The following PITPNM3 variants were observed in gnomAD, a reference collection of about 807,000 sequenced individuals.
PITPNM3 encodes the protein membrane-associated phosphatidylinositol transfer protein 3.
PITPNM3 carries 26 observed loss-of-function variants against 102.0 expected under a neutral mutation model. The ratio of observed to expected loss-of-function variants is 0.25; its 90% CI spans 0.19 to 0.35. PITPNM3 has a LOEUF of 0.35. Among genes scored for constraint, PITPNM3 ranks in the 10% least tolerant of loss-of-function variants. PITPNM3 has a pLI of 1.00. For missense variants in PITPNM3, 1,083 were observed against 1,346.1 expected, an observed-to-expected ratio of 0.80 and a Z score of 3.06; for synonymous variants, 578 against 558.6, an observed-to-expected ratio of 1.03 and a Z score of -0.49.
intron 1 of PITPNM3, among the ~76,000 whole-genome samples, chr17:6,549,857 C>A (rs1475652075): frequency 6.6e-6 from 1 of 152,190 alleles, no homozygotes; most frequent in East Asian, 1.9e-4. Flanking sequence ...CTCCTGGCTG[C>A]AGACCTGGTG....
At position 6,455,520 on chromosome 17, in the gene PITPNM3, C is replaced by A. The variant is rs779639442; in HGVS notation, c.2743G>T (p.Glu915Ter). 14 of 1,605,446 alleles carry A rather than the reference C, an allele frequency of 8.7e-6. No homozygotes were observed. The highest frequency in any genetic ancestry group is 1.2e-5 in the Non-Finnish European group (14 of 1,179,546). Reference sequence around the variant, plus strand: ...AGGTGGTTGCGCTTCCGCAGGAACTCTGGCTGCGCGTGCAGCCCGAAGCTG... The same window carrying A: ...AGGTGGTTGCGCTTCCGCAGGAACTATGGCTGCGCGTGCAGCCCGAAGCTG... ...KGSFGLHAQP[E>*]FLRKRNHLRR... is the part of the protein sequence containing the mutation. Residue 915 changes from glutamate (E) to a stop codon, truncating the protein, a stop_gained, in exon 20 of 20, where the codon GAG becomes TAG. Coordinates refer to ENST00000262483, the MANE Select transcript of PITPNM3 (RefSeq NM_031220.4). LOFTEE classifies it high-confidence loss of function.
At chr17:6,473,397 G>T (rs1435227233) in intron 10 of PITPNM3, among the ~76,000 whole-genome samples, 2 of 152,106 alleles carry the variant, frequency 1.3e-5, no homozygotes, top group Admixed American at 6.5e-5. Context: ...GGACTGGACC[G>T]TCCAGCATCC....
At position 6,500,866 on chromosome 17, in the gene PITPNM3, G is replaced by T. The variant is rs1907127308; in HGVS notation, c.274+2661C>A. Among the ~76,000 whole-genome samples, 3 of 152,200 alleles carry T rather than the reference G, an allele frequency of 2.0e-5. 1 individual carries two copies. In the South Asian group the frequency reaches 6.2e-4, roughly 32 times the overall value. On this transcript the variant is annotated intron_variant, in intron 4 of 19. Coordinates refer to ENST00000262483, the MANE Select transcript of PITPNM3 (RefSeq NM_031220.4). ...AATTTTTGTATTTTTAGTAGAGACA[G>T]GTTTTCACTATATTGGTCAGGCTGG...
chr17:6,483,458 C>T (rs2150737263), intron 6 of PITPNM3, 59 bp downstream of exon 6: 2 of 1,501,244 alleles, frequency 1.3e-6, no homozygotes, highest in African/African-American at 2.8e-5. Flanking sequence ...CAGGGGGAGC[C>T]CCTCCACTTA....
intron 19 of PITPNM3, among the ~76,000 whole-genome samples, chr17:6,456,717 T>G (rs1027364458): frequency 6.6e-6 from 1 of 152,170 alleles, no homozygotes; most frequent in Non-Finnish European, 1.5e-5. Flanking sequence ...CATTGCACAC[T>G]TGACATGCCC....
chr17:6,536,815 G>A (rs1909459443), intron 2 of PITPNM3, among the ~76,000 whole-genome samples: 1 of 152,264 alleles, frequency 6.6e-6, no homozygotes, highest in Admixed American at 6.5e-5. Flanking sequence ...TCCGTCTCAG[G>A]AGTAAGTCAA....
chr17:6,477,838 G>A lies in PITPNM3; in HGVS notation c.900+137C>T, dbSNP rs534625354. The A allele has an allele frequency of 3.7e-5, 55 of 1,469,762 alleles. No homozygotes were observed. The African/African-American group carries it at 3.9e-4, about 10-fold the overall frequency. 91.0% of individuals were successfully genotyped at this position (1,469,762 alleles called of 1,614,324 possible). On this transcript the variant is annotated intron_variant, in intron 8 of 19. Transcript: ENST00000262483. ...TGGGATTACAGGCATGAGCCACTGCGCCCAGCTGGATTATGATACACTTCT... is the reference window on the plus strand; with the variant it reads ...TGGGATTACAGGCATGAGCCACTGCACCCAGCTGGATTATGATACACTTCT...
chr17:6,463,973 G>T, intron 16 of PITPNM3, 92 bp from the exon 17 acceptor site: 1 of 1,575,462 alleles, frequency 6.3e-7, no homozygotes, highest in Non-Finnish European at 8.6e-7. Context: ...TCAGAGCTCA[G>T]TCTGGGTCAA....
At chr17:6,495,081 T>C (rs1363135661) in intron 4 of PITPNM3, among the ~76,000 whole-genome samples, 1 of 152,146 alleles carries the variant, frequency 6.6e-6, no homozygotes, top group Admixed American at 6.5e-5. Context: ...TATATATAAA[T>C]GCATATTTAT....
intron 4 of PITPNM3, among the ~76,000 whole-genome samples, chr17:6,497,908 G>A (rs548979636): frequency 2.0e-5 from 3 of 152,186 alleles, no homozygotes; most frequent in Non-Finnish European, 2.9e-5. Flanking sequence ...TGTGCACTGC[G>A]GAGCCCTGCC....
At chr17:6,505,200 A>ATATATATATATATATATATATATGTG (rs1567679821) in intron 3 of PITPNM3, among the ~76,000 whole-genome samples, 6 of 147,344 alleles carry the variant, frequency 4.1e-5, no homozygotes, top group African/African-American at 1.6e-4. Flanking sequence ...AATAAAATAT[A>ATATATATATATATATATATATATGTG]TATATATATA....
rs1359115626 is a variant in PITPNM3 at position 6,474,502 on chromosome 17, G to T, written c.1188C>A (p.Asp396Glu). 2 of 1,613,410 alleles carry T rather than the reference G, an allele frequency of 1.2e-6. No homozygotes were observed. The highest frequency in any genetic ancestry group is 1.7e-6 in the Non-Finnish European group (2 of 1,179,936). Reference sequence around the variant, plus strand: ...CCAGTGGCGAGCCGAAGAGGAAGAAGTCGGACACATCGAAGTCAAAGCGGC... The same window carrying T: ...CCAGTGGCGAGCCGAAGAGGAAGAATTCGGACACATCGAAGTCAAAGCGGC... ...SLGRFDFDVS[D>E]FFLFGSPLGL... The change falls in exon 10 of 20, where the codon GAC becomes GAA. Residue 396 changes from aspartate (D) to glutamate (E), a missense_variant. Asp to Glu is a conservative substitution (Grantham distance 45). This residue lies in a region of PITPNM3 where 172 missense variants were observed against 175.6 expected (regional missense o/e 0.98). Transcript: ENST00000262483.
chr17:6,534,588 T>C (rs2150659738), intron 2 of PITPNM3, among the ~76,000 whole-genome samples: 1 of 152,296 alleles, frequency 6.6e-6, no homozygotes, highest in East Asian at 1.9e-4. Context: ...ACTTCCACCT[T>C]GATGTGTGAT....
intron 2 of PITPNM3, among the ~76,000 whole-genome samples, chr17:6,535,844 G>A: frequency 6.6e-6 from 1 of 152,028 alleles, no homozygotes; most frequent in East Asian, 1.9e-4. Flanking sequence ...GATCACTTGA[G>A]GTCAGGAGTT....
intron 1 of PITPNM3, among the ~76,000 whole-genome samples, chr17:6,547,275 C>A (rs1289790523): frequency 6.6e-6 from 1 of 152,132 alleles, no homozygotes; most frequent in African/African-American, 2.4e-5. Context: ...TTTTTGAAGA[C>A]CTGCTGGTAT....
At chr17:6,532,379 G>A (rs1909192873) in intron 2 of PITPNM3, among the ~76,000 whole-genome samples, 1 of 152,122 alleles carries the variant, frequency 6.6e-6, no homozygotes, top group South Asian at 2.1e-4. Flanking sequence ...AAAGCGCACA[G>A]CTGGGTAAGT....
intron 18 of PITPNM3, 149 bp downstream of exon 18, chr17:6,461,224 G>T: frequency 1.0e-6 from 1 of 954,744 alleles, no homozygotes; most frequent in Non-Finnish European, 1.6e-6. Flanking sequence ...ACCTCACAGG[G>T]CTGCTAGAGG....
At chr17:6,523,144 G>A (rs1050033233) in intron 3 of PITPNM3, among the ~76,000 whole-genome samples, 6 of 152,116 alleles carry the variant, frequency 3.9e-5, no homozygotes, top group Non-Finnish European at 7.3e-5. Context: ...TCGGACTCAG[G>A]TAAGCACTGC....
At chr17:6,550,988 AG>A (rs1910271488) in intron 1 of PITPNM3, among the ~76,000 whole-genome samples, 1 of 152,226 alleles carries the variant, frequency 6.6e-6, no homozygotes, top group African/African-American at 2.4e-5. Flanking sequence ...GATTTCACAG[AG>A]GTCGGCGTAT....
Sources: allele counts gnomAD v4.1 joint callset (sites outside exome capture counted in the v4.1 genomes callset), GRCh38; gene constraint gnomAD v4.1.1; regional missense constraint gnomAD v4.1.1; transcripts MANE v1.5; gene names NCBI Gene and HGNC (gene_info 2026-07-23, HGNC 2026-07-21).